CDHR5: variants seen among roughly 807,000 people sequenced by gnomAD.
CDHR5 encodes cadherin-related family member 5.
CDHR5 carries 82 observed loss-of-function variants against 69.5 expected under a neutral mutation model. The ratio of observed to expected loss-of-function variants is 1.18; its 90% CI spans 0.99 to 1.42. The LOEUF (loss-of-function observed/expected upper bound fraction) is 1.42, where lower values mean the gene tolerates loss of function less well. Among genes scored for constraint, CDHR5 ranks in the 40% most tolerant of loss-of-function variants. CDHR5 has a pLI of 0.00. For missense variants in CDHR5, 1,293 were observed against 1,168.9 expected, an observed-to-expected ratio of 1.11 and a Z score of -1.55; for synonymous variants, 601 against 510.2, an observed-to-expected ratio of 1.18 and a Z score of -2.40.
rs1856963134 is a variant in CDHR5 at position 617,229 on chromosome 11, C to T, written c.*122G>A. 6 of 748,378 alleles carry T rather than the reference C, an allele frequency of 8.0e-6. No individual in the cohort carries two copies. The highest frequency in any genetic ancestry group is 3.6e-5 in the South Asian group (2 of 55,414). 46.4% of individuals were successfully genotyped at this position (748,378 alleles called of 1,614,324 possible). A position where few individuals can be genotyped will look rare whatever the true frequency, so the allele number is the denominator to read the frequency against. On this transcript the variant is annotated 3_prime_UTR_variant, in exon 15 of 15. Coordinates refer to ENST00000397542, the MANE Select transcript of CDHR5 (RefSeq NM_021924.5). ...AGTGAATGGGACCCCCATGGACCCG[C>T]GCGCCTGCCCCACGCCATGGCCTGG... is the stretch of plus-strand genomic sequence containing the variant.
chr11:620,166 T>C lies in CDHR5; in HGVS notation c.881-2A>G. ...TGATGAATGTACCATTCACGTTTCC[T>C]GGGAGGATGATGGAAGTGCTCAGCC... On this transcript the variant is annotated splice_acceptor_variant, in intron 8 of 14. Coordinates refer to ENST00000397542, the MANE Select transcript of CDHR5 (RefSeq NM_021924.5). LOFTEE classifies it high-confidence loss of function. 6.2e-7 allele frequency: 1 copy of C among 1,612,502 alleles called. No homozygotes were observed. The highest frequency in any genetic ancestry group is 1.7e-4 in the Middle Eastern group (1 of 6,058).
Position 617,013 on chromosome 11 carries a change from GA to G in CDHR5, c.*337del. 3.0e-6 allele frequency: 1 copy of G among 332,130 alleles called. No homozygotes were observed. The highest frequency in any genetic ancestry group is 5.4e-5 in the South Asian group (1 of 18,498). The allele number at this position is 332,130 out of a possible 1,614,324, so 20.6% of individuals were successfully genotyped here. On this transcript the variant is annotated 3_prime_UTR_variant, in exon 15 of 15. Coordinates refer to ENST00000397542, the MANE Select transcript of CDHR5 (RefSeq NM_021924.5). The stretch of plus-strand genomic sequence containing the variant: ...ATCTCCGGTGCAGGTCGGGGGAGGG[GA>G]GCCCCCCTCGGGCTGTGGTTAGAGC...
At chr11:623,638 C>G (rs978800174) in intron 3 of CDHR5, among the ~76,000 whole-genome samples, 2 of 151,160 alleles carry the variant, frequency 1.3e-5, no homozygotes, top group African/African-American at 2.4e-5. Context: ...GGGTTTGACT[C>G]GGTGAGAAAG....
rs75929193 is a variant in CDHR5 at position 621,689 on chromosome 11, G to A, written c.406-26C>T. 1.1e-4 allele frequency: 175 copies of A among 1,581,036 alleles called. No homozygotes were observed. The East Asian group carries it at 2.8e-3, about 25-fold the overall frequency. ...CTGGGGAGGGAGAGGGGCTTGGTCCGGCCACACTCTTGGCCCCTGTGGACC... is the reference window on the plus strand; with the variant it reads ...CTGGGGAGGGAGAGGGGCTTGGTCCAGCCACACTCTTGGCCCCTGTGGACC... On this transcript the variant is annotated intron_variant, in intron 4 of 14. Transcript: ENST00000397542. This position sits in a 1 kb window ranked among gnomAD's most constrained non-coding sequence, Gnocchi z 4.4.
chr11:620,376 AG>A lies in CDHR5; in HGVS notation c.799del (p.Leu267SerfsTer30). ...GTAGATGGGTCCGGGACGCAGGACG[AG>A]GGGAGATGGCTTCAGGGATGGCGGA... ...VPTGHILPSP[L>X]VLRPGPIYAE... On this transcript the variant is annotated frameshift_variant, in exon 8 of 15. Coordinates refer to ENST00000397542, the MANE Select transcript of CDHR5 (RefSeq NM_021924.5). LOFTEE classifies it high-confidence loss of function. 1 of 1,605,516 alleles carries A rather than the reference AG, an allele frequency of 6.2e-7. No homozygotes were observed. The highest frequency in any genetic ancestry group is 8.5e-7 in the Non-Finnish European group (1 of 1,174,436).
At position 616,949 on chromosome 11, in the gene CDHR5, G is replaced by A. The variant is rs928958807; in HGVS notation, c.*402C>T. The A allele has an allele frequency of 1.8e-5, 4 of 217,004 alleles. No individual in the cohort carries two copies. The highest frequency in any genetic ancestry group is 5.8e-5 in the Admixed American group (1 of 17,236). 13.4% of individuals were successfully genotyped at this position (217,004 alleles called of 1,614,324 possible). ...CCTCCCCAGGCAATCTCTGTGTAGG[G>A]TCGGGAGCGGGAGGTCTGAGATGAG... is the stretch of plus-strand genomic sequence containing the variant. On this transcript the variant is annotated 3_prime_UTR_variant, in exon 15 of 15. Coordinates refer to ENST00000397542, the MANE Select transcript of CDHR5 (RefSeq NM_021924.5).
chr11:619,453 C>T (rs781034306), intron 11 of CDHR5, 21 bp downstream of exon 11: 9 of 1,606,580 alleles, frequency 5.6e-6, no homozygotes, highest in South Asian at 2.2e-5. Flanking sequence ...CTTGGAGATG[C>T]CCGCCTGCCC....
rs1187603315 is a variant in CDHR5, at chr11:618,906, C to T, written c.1653G>A (p.Met551Ile). 5.0e-6 allele frequency: 8 copies of T among 1,609,194 alleles called. No homozygotes were observed. Among genetic ancestry groups the T allele is most frequent in the Non-Finnish European group, 6.8e-6 (8 of 1,177,272 alleles). The change falls in exon 13 of 15, where the codon ATG (methionine) becomes ATA (isoleucine). Residue 551 changes from methionine to isoleucine, a missense_variant. Coordinates refer to ENST00000397542, the MANE Select transcript of CDHR5 (RefSeq NM_021924.5). ...AGGTGCTGGTTCCCACACCGGGGGG[C>T]ATCGGCTGAGAGGTTCCTGGCTTTG... is the stretch of plus-strand genomic sequence containing the variant. The part of the protein sequence containing the change: ...QTPKPGTSQP[M>I]PPGVGTSTSH...
At chr11:618,406 C>T (rs1327766652) in intron 13 of CDHR5, among the ~76,000 whole-genome samples, 193 bp downstream of exon 13, 2 of 152,240 alleles carry the variant, frequency 1.3e-5, no homozygotes, top group African/African-American at 4.8e-5. Context: ...CCACATCTGG[C>T]CTCTGTCCTA....
In CDHR5 at chr11:619,324, G is replaced by A. The variant is rs1176943697; in HGVS notation, c.1360C>T (p.Gln454Ter). Reference protein sequence around the residue: ...TTVIEIQVSEQEPPSTDVPPS... With the variant: ...TTVIEIQVSE ...GGCTTACCTGTGGAGGGGGGCTCCT[G>A]TTCGGAAACTTGTATCTCAATGACT... Residue 454 changes from glutamine to a stop codon, truncating the protein, a stop_gained, in exon 12 of 15, where the codon CAG becomes TAG. Transcript: ENST00000397542. LOFTEE classifies it high-confidence loss of function. 2 of 1,612,690 alleles carry A rather than the reference G, an allele frequency of 1.2e-6. No homozygotes were observed. The highest frequency in any genetic ancestry group is 8.5e-7 in the Non-Finnish European group (1 of 1,179,188).
Position 616,955 on chromosome 11 carries a change from A to G in CDHR5, c.*396T>C. On this transcript the variant is annotated 3_prime_UTR_variant, in exon 15 of 15. Coordinates refer to ENST00000397542, the MANE Select transcript of CDHR5 (RefSeq NM_021924.5). The stretch of plus-strand genomic sequence containing the variant: ...CAGGCAATCTCTGTGTAGGGTCGGG[A>G]GCGGGAGGTCTGAGATGAGCCGGGT... The G allele has an allele frequency of 9.1e-6, 2 of 218,798 alleles. No homozygotes were observed. The highest frequency in any genetic ancestry group is 1.0e-4 in the South Asian group (1 of 9,776). The allele number at this position is 218,798 out of a possible 1,614,324, so 13.6% of individuals were successfully genotyped here. A position where few individuals can be genotyped will look rare whatever the true frequency, so the allele number is the denominator to read the frequency against.
At chr11:617,880 G>T in intron 14 of CDHR5, 74 bp downstream of exon 14, 1 of 1,535,226 alleles carries the variant, frequency 6.5e-7, no homozygotes, top group Non-Finnish European at 8.8e-7. Context: ...CTGTCCCTCT[G>T]CCCTCCCCTC....
Position 624,117 on chromosome 11 carries a change from C to G in CDHR5, c.312+96G>C. Reference sequence around the variant, plus strand: ...CGGGGGGGTGGAATTTGAAACCACACCCTAGCTGACGTCATCAAAGACTGG... The same window carrying G: ...CGGGGGGGTGGAATTTGAAACCACAGCCTAGCTGACGTCATCAAAGACTGG... On this transcript the variant is annotated intron_variant, in intron 3 of 14. Coordinates refer to ENST00000397542, the MANE Select transcript of CDHR5 (RefSeq NM_021924.5). The surrounding 1 kb of genome is among the most constrained non-coding windows in gnomAD (Gnocchi z 5.3). The G allele has an allele frequency of 1.5e-6, 1 of 688,452 alleles. No individual in the cohort carries two copies. Among genetic ancestry groups the G allele is most frequent in the Non-Finnish European group, 2.7e-6 (1 of 370,364 alleles). The allele number at this position is 688,452 out of a possible 1,614,324, so 42.6% of individuals were successfully genotyped here. A position where few individuals can be genotyped will look rare whatever the true frequency, so the allele number is the denominator to read the frequency against.
Position 621,115 on chromosome 11 carries a change from GA to G in CDHR5, c.753del (p.Gln252SerfsTer45). The part of the protein sequence containing the change: ...TFSDGYVCIQ[A>X]QYHGAVPTGH... Reference sequence around the variant, plus strand: ...CCCGTGGGGACAGCCCCGTGGTACTGAGCTTGAATGCAGACGTAGCCATCTG... The same window carrying G: ...CCCGTGGGGACAGCCCCGTGGTACTGGCTTGAATGCAGACGTAGCCATCTG... On this transcript the variant is annotated frameshift_variant, in exon 7 of 15. Coordinates refer to ENST00000397542, the MANE Select transcript of CDHR5 (RefSeq NM_021924.5). LOFTEE classifies it high-confidence loss of function. The surrounding 1 kb of genome is among the most constrained non-coding windows in gnomAD (Gnocchi z 4.4). 1 of 1,577,628 alleles carries G rather than the reference GA, an allele frequency of 6.3e-7. No individual in the cohort carries two copies. Among genetic ancestry groups the G allele is most frequent in the East Asian group, 2.2e-5 (1 of 44,602 alleles).
rs772540298 is a variant in CDHR5 at position 617,567 on chromosome 11, C to T, written c.2322G>A (p.Val774=). The T allele has an allele frequency of 1.2e-6, 2 of 1,611,714 alleles. No homozygotes were observed. The highest frequency in any genetic ancestry group is 1.7e-6 in the Non-Finnish European group (2 of 1,179,368). The change falls in exon 15 of 15, where the codon GTG becomes GTA. Residue 774 remains valine (V), a synonymous_variant. Transcript: ENST00000397542. ...GCCGCTCCTTGGTCAGGATGGACCTCACCGCCGTGGGGCTTCCGCCAGCTC... is the reference window on the plus strand; with the variant it reads ...GCCGCTCCTTGGTCAGGATGGACCTTACCGCCGTGGGGCTTCCGCCAGCTC... ...AARAGGSPTA[V]RSILTKERRP...
chr11:618,904 G>T lies in CDHR5; in HGVS notation c.1655C>A (p.Pro552His). 1 of 1,609,952 alleles carries T rather than the reference G, an allele frequency of 6.2e-7. No individual in the cohort carries two copies. The highest frequency in any genetic ancestry group is 8.5e-7 in the Non-Finnish European group (1 of 1,177,292). The part of the protein sequence containing the change: ...TPKPGTSQPM[P>H]PGVGTSTSHQ... ...GGAGGTGCTGGTTCCCACACCGGGGGGCATCGGCTGAGAGGTTCCTGGCTT... is the reference window on the plus strand; with the variant it reads ...GGAGGTGCTGGTTCCCACACCGGGGTGCATCGGCTGAGAGGTTCCTGGCTT... The change falls in exon 13 of 15, where the codon CCC (proline) becomes CAC (histidine). Residue 552 changes from proline to histidine, a missense_variant. Coordinates refer to ENST00000397542, the MANE Select transcript of CDHR5 (RefSeq NM_021924.5).
At chr11:620,671 C>T (rs909078749) in intron 7 of CDHR5, among the ~76,000 whole-genome samples, 1 of 152,202 alleles carries the variant, frequency 6.6e-6, no homozygotes, top group Admixed American at 6.5e-5. Context: ...GAAGTGGGGG[C>T]TCCCGGGGTC....
In CDHR5 at chr11:619,308, G is replaced by A. The variant is rs759797362; in HGVS notation, c.1376C>T (p.Thr459Ile). ...CTCACCTGTGGAGGGGGGCTTACCT[G>A]TGGAGGGGGGCTCCTGTTCGGAAAC... Reference protein sequence around the residue: ...IQVSEQEPPSTDVPPSPEAGG... With the variant: ...IQVSEQEPPSIDVPPSPEAGG... The change falls in exon 12 of 15, where the codon ACA becomes ATA. Residue 459 changes from threonine (T) to isoleucine (I), a missense_variant and splice_region_variant. Physicochemically the swap from Thr to Ile is moderately conservative, Grantham distance 89. Transcript: ENST00000397542. 7.5e-6 allele frequency: 12 copies of A among 1,606,826 alleles called. No homozygotes were observed. Among genetic ancestry groups the A allele is most frequent in the East Asian group, 2.2e-5 (1 of 44,694 alleles).
At position 619,814 on chromosome 11, in the gene CDHR5, C is replaced by G; in HGVS notation, c.1046G>C (p.Gly349Ala). 1 of 1,582,074 alleles carries G rather than the reference C, an allele frequency of 6.3e-7. No individual in the cohort carries two copies. Among genetic ancestry groups the G allele is most frequent in the Non-Finnish European group, 8.6e-7 (1 of 1,167,800 alleles). Residue 349 changes from glycine (G) to alanine (A), a missense_variant, in exon 10 of 15, where the codon GGG becomes GCG. Gly to Ala is a moderately conservative substitution (Grantham distance 60, BLOSUM62 0). Transcript: ENST00000397542. Reference protein sequence around the residue: ...QVTVEAVAAAGSPPRFPQRLY... With the variant: ...QVTVEAVAAAASPPRFPQRLY... ...TCTCTGGGGGAAGCGGGGCGGGCTC[C>G]CGGCCGCAGCCACAGCCTCCACGGT...
Sources: gnomAD v4.1 joint callset for allele counts (sites outside exome capture counted in the v4.1 genomes callset) on GRCh38, gnomAD v4.1.1 for gene constraint, Gnocchi (gnomAD v3.1) non-coding constraint, MANE v1.5 for transcripts, NCBI Gene and HGNC (gene_info 2026-07-23, HGNC 2026-07-21) for gene names.